Variants in SNX17 observed in about 807,000 individuals in gnomAD.
SNX17 encodes the protein sorting nexin 17, also known as sorting nexin-17.
SNX17 carries 35 observed loss-of-function variants against 64.3 expected under a neutral mutation model. That is an observed-to-expected ratio of 0.54 (90% confidence interval 0.42 to 0.72). The LOEUF (loss-of-function observed/expected upper bound fraction) is 0.72. Among genes scored for constraint, SNX17 ranks in the 30% least tolerant of loss-of-function variants. The pLI is 0.00. For synonymous variants in SNX17, 259 were observed against 230.2 expected, an observed-to-expected ratio of 1.13 and a Z score of -1.13; for missense variants, 538 against 610.0, an observed-to-expected ratio of 0.88 and a Z score of 1.24.
Position 27,375,738 on chromosome 2 carries a change from T to C in SNX17, c.978+29T>C, listed in dbSNP as rs2148404871. ...AGTCGGGTTAGGAGGGGGAAGGGCC[T>C]GGGTTGGGGGCCCGGCAAGCCTTGA... On this transcript the variant is annotated intron_variant, in intron 10 of 14. Coordinates refer to ENST00000233575, the MANE Select transcript of SNX17 (RefSeq NM_014748.4). This position sits in a 1 kb window ranked among gnomAD's most constrained non-coding sequence, Gnocchi z 4.1. The C allele has an allele frequency of 6.2e-7, 1 of 1,612,612 alleles. No individual in the cohort carries two copies. The highest frequency in any genetic ancestry group is 2.2e-5 in the East Asian group (1 of 44,840).
Position 27,376,909 on chromosome 2 carries a change from CCTTCTCTTTTCA to C in SNX17, c.*191_*202del, listed in dbSNP as rs767046857. On this transcript the variant is annotated 3_prime_UTR_variant, in exon 15 of 15. Coordinates refer to ENST00000233575, the MANE Select transcript of SNX17 (RefSeq NM_014748.4). The stretch of plus-strand genomic sequence containing the variant: ...TGGGCTGGCTGCACAGAGGATTGCC[CCTTCTCTTTTCA>C]GAGCTGGCCCTCGATGCCAAATTAG... 8 of 599,080 alleles carry C rather than the reference CCTTCTCTTTTCA, an allele frequency of 1.3e-5. No homozygotes were observed. Among genetic ancestry groups the C allele is most frequent in the Middle Eastern group, 4.5e-4 (1 of 2,236 alleles). The allele number at this position is 599,080 out of a possible 1,614,324, so 37.1% of individuals were successfully genotyped here.
In SNX17 at chr2:27,375,466, C is replaced by T. The variant is rs745695264; in HGVS notation, c.775-40C>T. On this transcript the variant is annotated intron_variant, in intron 9 of 14. Coordinates refer to ENST00000233575, the MANE Select transcript of SNX17 (RefSeq NM_014748.4). The surrounding 1 kb of genome is among the most constrained non-coding windows in gnomAD (Gnocchi z 4.1). ...GTTGCTTTTTCTGAGCTGCCCCATT[C>T]TCCCTCCTAATCTACCCCCATGTGA... 1.9e-6 allele frequency: 3 copies of T among 1,610,554 alleles called. No homozygotes were observed. Among genetic ancestry groups the T allele is most frequent in the East Asian group, 2.2e-5 (1 of 44,822 alleles).
Position 27,376,946 on chromosome 2 carries a change from G to C in SNX17, c.*227G>C. Reference sequence around the variant, plus strand: ...AGAGCTGGCCCTCGATGCCAAATTAGCATTTAGTATTTTGCACAAAGTCTA... The same window carrying C: ...AGAGCTGGCCCTCGATGCCAAATTACCATTTAGTATTTTGCACAAAGTCTA... On this transcript the variant is annotated 3_prime_UTR_variant, in exon 15 of 15. Transcript: ENST00000233575. The C allele has an allele frequency of 1.8e-6, 1 of 563,816 alleles. No homozygotes were observed. The highest frequency in any genetic ancestry group is 3.1e-5 in the Admixed American group (1 of 32,552). 34.9% of individuals were successfully genotyped at this position (563,816 alleles called of 1,614,324 possible). A position where few individuals can be genotyped will look rare whatever the true frequency, so the allele number is the denominator to read the frequency against.
At position 27,375,194 on chromosome 2, in the gene SNX17, A is replaced by G. The variant is rs369513234; in HGVS notation, c.774+41A>G. On this transcript the variant is annotated intron_variant, in intron 9 of 14. Coordinates refer to ENST00000233575, the MANE Select transcript of SNX17 (RefSeq NM_014748.4). The surrounding 1 kb of genome is among the most constrained non-coding windows in gnomAD (Gnocchi z 4.1). Reference sequence around the variant, plus strand: ...TCTCTGTCTTCCTCTAAGGGCTTGCAGTGGCGCGATCTTGGCTCACTGCAA... The same window carrying G: ...TCTCTGTCTTCCTCTAAGGGCTTGCGGTGGCGCGATCTTGGCTCACTGCAA... 1.1e-4 allele frequency: 175 copies of G among 1,572,274 alleles called. No homozygotes were observed. The highest frequency in any genetic ancestry group is 1.5e-4 in the Non-Finnish European group (169 of 1,143,556).
At position 27,377,384 on chromosome 2, in the gene SNX17, A is replaced by T; in HGVS notation, c.*665A>T. On this transcript the variant is annotated 3_prime_UTR_variant, in exon 15 of 15. Coordinates refer to ENST00000233575, the MANE Select transcript of SNX17 (RefSeq NM_014748.4). This position sits in a 1 kb window ranked among gnomAD's most constrained non-coding sequence, Gnocchi z 4.4. ...TCTCACTGAGCTCGTGAAGTGCCTC[A>T]GTCAAGGCAAGGTCCCCTGGTCCAT... 1 of 781,880 alleles carries T rather than the reference A, an allele frequency of 1.3e-6. No individual in the cohort carries two copies. The highest frequency in any genetic ancestry group is 2.2e-6 in the Non-Finnish European group (1 of 457,734). The allele number at this position is 781,880 out of a possible 1,614,324, so 48.4% of individuals were successfully genotyped here. A position where few individuals can be genotyped will look rare whatever the true frequency, so the allele number is the denominator to read the frequency against.
chr2:27,372,243 T>A (rs963239522), intron 2 of SNX17, among the ~76,000 whole-genome samples: 42 of 152,232 alleles, frequency 2.8e-4, no homozygotes, highest in Admixed American at 1.0e-3. Flanking sequence ...AAAGTCCCTT[T>A]AAGTCCTAAG....
chr2:27,372,467 CT>C (rs2148395197), intron 2 of SNX17, 155 bp from the exon 3 acceptor site: 1 of 463,758 alleles, frequency 2.2e-6, no homozygotes, highest in East Asian at 1.5e-4. Flanking sequence ...GGTGCTACCG[CT>C]GTCAAAGGAA....
chr2:27,374,228 A>G (rs1477335029), intron 6 of SNX17, 53 bp downstream of exon 6: 1 of 1,571,938 alleles, frequency 6.4e-7, no homozygotes, highest in Non-Finnish European at 8.8e-7. Context: ...TAGAGTTTGC[A>G]GCCCCCCTAA....
In SNX17 at chr2:27,375,587, T is replaced by G. The variant is rs769929952; in HGVS notation, c.856T>G (p.Cys286Gly). The G allele has an allele frequency of 6.2e-7, 1 of 1,614,234 alleles. No individual in the cohort carries two copies. The highest frequency in any genetic ancestry group is 1.1e-5 in the South Asian group (1 of 91,086). ...ACVADFPEKD[C>G]PVVVSAGNSE... is the part of the protein sequence containing the mutation. Reference sequence around the variant, plus strand: ...TGTGGCTGACTTCCCAGAAAAGGACTGTCCTGTGGTGGTGAGCGCGGGCAA... The same window carrying G: ...TGTGGCTGACTTCCCAGAAAAGGACGGTCCTGTGGTGGTGAGCGCGGGCAA... Residue 286 changes from cysteine (C) to glycine (G), a missense_variant, in exon 10 of 15, where the codon TGT (cysteine) becomes GGT (glycine). Transcript: ENST00000233575. The surrounding 1 kb of genome is among the most constrained non-coding windows in gnomAD (Gnocchi z 4.1).
chr2:27,377,060 G>A lies in SNX17; in HGVS notation c.*341G>A. 2.4e-6 allele frequency: 1 copy of A among 411,536 alleles called. No homozygotes were observed. The highest frequency in any genetic ancestry group is 4.5e-6 in the Non-Finnish European group (1 of 220,796). 25.5% of individuals were successfully genotyped at this position (411,536 alleles called of 1,614,324 possible). On this transcript the variant is annotated 3_prime_UTR_variant, in exon 15 of 15. Transcript: ENST00000233575. This position sits in a 1 kb window ranked among gnomAD's most constrained non-coding sequence, Gnocchi z 4.4. ...TGGAGCCATGGGCCAAAGGCCAAGGGGATGGGCAGAGGTCTGTGTTTGGTC... is the reference window on the plus strand; with the variant it reads ...TGGAGCCATGGGCCAAAGGCCAAGGAGATGGGCAGAGGTCTGTGTTTGGTC...
In SNX17 at chr2:27,374,131, TTAGTC is replaced by T; in HGVS notation, c.482_486del (p.Ser161IlefsTer21). The T allele has an allele frequency of 1.9e-6, 3 of 1,614,192 alleles. No individual in the cohort carries two copies. Among genetic ancestry groups the T allele is most frequent in the Non-Finnish European group, 2.5e-6 (3 of 1,180,038 alleles). On this transcript the variant is annotated frameshift_variant, in exon 6 of 15. Transcript: ENST00000233575. LOFTEE classifies it high-confidence loss of function. ...CTTCCAGATGACTTGATTGGATACT[TTAGTC>T]TATTCTTAGTTCGAGAAAAAGAGGA...
chr2:27,372,791 G>A (rs764401774), intron 3 of SNX17, 51 bp downstream of exon 3: 12 of 1,608,876 alleles, frequency 7.5e-6, no homozygotes, highest in Middle Eastern at 3.3e-4. Flanking sequence ...TATGGGGAGA[G>A]ACTTAAAAAC....
chr2:27,377,426 A>C lies in SNX17; in HGVS notation c.*707A>C. The C allele has an allele frequency of 1.8e-6, 2 of 1,139,374 alleles. No homozygotes were observed. The highest frequency in any genetic ancestry group is 2.6e-6 in the Non-Finnish European group (2 of 776,996). The allele number at this position is 1,139,374 out of a possible 1,614,324, so 70.6% of individuals were successfully genotyped here. ...CTGGTCCATATGGGCCCCCCCGCCC[A>C]TGGGGTTGGGCTGGTCCTTATAGTG... On this transcript the variant is annotated 3_prime_UTR_variant, in exon 15 of 15. Coordinates refer to ENST00000233575, the MANE Select transcript of SNX17 (RefSeq NM_014748.4). This position sits in a 1 kb window ranked among gnomAD's most constrained non-coding sequence, Gnocchi z 4.4.
intron 1 of SNX17, 109 bp from the exon 2 acceptor site, chr2:27,371,160 G>T: frequency 2.0e-6 from 2 of 979,052 alleles, no homozygotes; most frequent in Non-Finnish European, 3.2e-6. Context: ...TATCCCTCGG[G>T]AGATTAGCGC....
At chr2:27,371,500 C>T (rs1182267640) in intron 2 of SNX17, 157 bp downstream of exon 2, 2 of 1,374,702 alleles carry the variant, frequency 1.5e-6, no homozygotes, top group Non-Finnish European at 1.9e-6. Flanking sequence ...TCTGACATTT[C>T]CGGGAACTCC....
At chr2:27,374,780 A>G (rs1485366617) in intron 8 of SNX17, 22 bp downstream of exon 8, 10 of 1,610,684 alleles carry the variant, frequency 6.2e-6, no homozygotes, top group Non-Finnish European at 8.5e-6. Flanking sequence ...GCTGCCTCAG[A>G]ACCCTTCCCC....
In SNX17 at chr2:27,370,817, G is replaced by T; in HGVS notation, c.63+11G>T. The T allele has an allele frequency of 6.5e-7, 1 of 1,540,154 alleles. No individual in the cohort carries two copies. ...GGCTCCGCCTACGTGGTGAGGAGCG[G>T]CCGGAGCCGAGCCGGGCCGGGCAGG... is the stretch of plus-strand genomic sequence containing the variant. On this transcript the variant is annotated intron_variant, in intron 1 of 14. Transcript: ENST00000233575.
chr2:27,373,221 G>C (rs777050631), intron 3 of SNX17, 26 bp from the exon 4 acceptor site: 2 of 1,613,986 alleles, frequency 1.2e-6, no homozygotes, highest in South Asian at 1.1e-5. Context: ...CTAAGTTCCT[G>C]TAATAATGTT....
chr2:27,374,625 C>T lies in SNX17; in HGVS notation c.612-64C>T, dbSNP rs552493488. The stretch of plus-strand genomic sequence containing the variant: ...GATTGCTCCTGTTTTGCCCATTTTC[C>T]ATTCTACCTCTTGCCTTAACCCAGC... On this transcript the variant is annotated intron_variant, in intron 7 of 14. Transcript: ENST00000233575. 204 of 1,523,372 alleles carry T rather than the reference C, an allele frequency of 1.3e-4. 1 individual carries two copies. The highest frequency in any genetic ancestry group is 1.8e-4 in the Middle Eastern group (1 of 5,650). 94.4% of individuals were successfully genotyped at this position (1,523,372 alleles called of 1,614,324 possible).
Sources: gnomAD v4.1 joint callset for allele counts (sites outside exome capture counted in the v4.1 genomes callset) on GRCh38, gnomAD v4.1.1 for gene constraint, Gnocchi (gnomAD v3.1) non-coding constraint, MANE v1.5 for transcripts, NCBI Gene and HGNC (gene_info 2026-07-23, HGNC 2026-07-21) for gene names.